The following RSPO2 variants were observed in gnomAD, a reference collection of about 807,000 sequenced individuals.
RSPO2 encodes the protein R-spondin 2.
RSPO2 carries 14 observed loss-of-function variants against 30.9 expected under a neutral mutation model. The ratio of observed to expected loss-of-function variants is 0.45; its 90% CI spans 0.30 to 0.71. RSPO2 has a LOEUF of 0.71. Among genes scored for constraint, RSPO2 ranks in the 30% least tolerant of loss-of-function variants. RSPO2 has a pLI of 0.08. For missense variants in RSPO2, 264 were observed against 301.9 expected (o/e 0.87, Z 0.93); for synonymous variants, 107 against 96.4 (o/e 1.11, Z -0.64).
intron 2 of RSPO2, among the ~76,000 whole-genome samples, chr8:108,062,865 A>G (rs1014537224): frequency 6.6e-6 from 1 of 151,940 alleles, no homozygotes; most frequent in African/African-American, 2.4e-5. Flanking sequence ...TGGAATGCAA[A>G]GCTGGTTCAA....
At chr8:107,921,317 T>C (rs62535478) in intron 5 of RSPO2, among the ~76,000 whole-genome samples, 1 of 149,364 alleles carries the variant, frequency 6.7e-6, no homozygotes, top group Admixed American at 6.7e-5. Context: ...CACTCCCCTT[T>C]AGAAAAAAAG....
At chr8:108,072,291 AG>A (rs1340879301) in intron 2 of RSPO2, among the ~76,000 whole-genome samples, 1 of 145,594 alleles carries the variant, frequency 6.9e-6, no homozygotes, top group African/African-American at 2.5e-5. Flanking sequence ...ATAGCATGTG[AG>A]GTGAAAAACA....
At chr8:107,904,621 G>A (rs1232850740) in intron 5 of RSPO2, among the ~76,000 whole-genome samples, 1 of 152,068 alleles carries the variant, frequency 6.6e-6, no homozygotes, top group Non-Finnish European at 1.5e-5. Flanking sequence ...ATGTGGTTTA[G>A]AGAAAGGCTA....
chr8:108,003,676 G>GA (rs543435511), intron 2 of RSPO2, among the ~76,000 whole-genome samples: 20 of 151,658 alleles, frequency 1.3e-4, no homozygotes, highest in Non-Finnish European at 2.5e-4. Context: ...GGGTTAAAAA[G>GA]AAAAAAAATT....
intron 2 of RSPO2, among the ~76,000 whole-genome samples, chr8:108,003,312 T>TATATC (rs1554580931): frequency 9.3e-5 from 1 of 10,764 alleles, no homozygotes; most frequent in South Asian, 4.2e-3. Flanking sequence ...TATATATATA[T>TATATC]TTTTTTTTTT....
intron 5 of RSPO2, among the ~76,000 whole-genome samples, chr8:107,916,579 A>G (rs1026776048): frequency 7.2e-5 from 11 of 152,218 alleles, no homozygotes; most frequent in African/African-American, 2.4e-4. Flanking sequence ...AGGCATGGGA[A>G]TATGGCTTTT....
chr8:108,077,639 T>G (rs538673806), intron 2 of RSPO2, among the ~76,000 whole-genome samples: 43 of 152,276 alleles, frequency 2.8e-4, no homozygotes, highest in Admixed American at 5.2e-4. Flanking sequence ...CACACACCCA[T>G]GTATACACGT....
chr8:107,985,822 T>G (rs1814607198), intron 3 of RSPO2, among the ~76,000 whole-genome samples: 1 of 152,204 alleles, frequency 6.6e-6, no homozygotes, highest in Non-Finnish European at 1.5e-5. Flanking sequence ...ATCACAGAAT[T>G]ACTCAGATAG....
intron 2 of RSPO2, among the ~76,000 whole-genome samples, chr8:108,038,885 G>T (rs890468184): frequency 6.6e-6 from 1 of 152,042 alleles, no homozygotes; most frequent in Non-Finnish European, 1.5e-5. Context: ...CCAAAAATTT[G>T]TGTGACTCAC....
intron 2 of RSPO2, among the ~76,000 whole-genome samples, chr8:108,059,505 T>C (rs1812377140): frequency 1.3e-5 from 2 of 151,540 alleles, no homozygotes; most frequent in African/African-American, 4.9e-5. Context: ...TTACTGGGTA[T>C]ATACGCAAAG....
chr8:108,059,850 T>A (rs1204046650), intron 2 of RSPO2, among the ~76,000 whole-genome samples: 1 of 91,166 alleles, frequency 1.1e-5, no homozygotes, highest in Admixed American at 1.6e-4. Context: ...TGGGGACTGT[T>A]GTGGGGTGGG....
chr8:107,949,393 C>T (rs935331930), intron 5 of RSPO2, among the ~76,000 whole-genome samples: 6 of 152,056 alleles, frequency 3.9e-5, no homozygotes, highest in Non-Finnish European at 8.8e-5. Flanking sequence ...TTTCTTTATC[C>T]ACTCTTTGAT....
At chr8:107,957,726 C>T (rs982254976) in intron 5 of RSPO2, among the ~76,000 whole-genome samples, 2 of 152,244 alleles carry the variant, frequency 1.3e-5, no homozygotes, top group African/African-American at 2.4e-5. Flanking sequence ...GAAAGTTGGC[C>T]GCTTCCCTCA....
At chr8:107,972,156 T>C (rs1814021684) in intron 3 of RSPO2, among the ~76,000 whole-genome samples, 1 of 152,038 alleles carries the variant, frequency 6.6e-6, no homozygotes, top group South Asian at 2.1e-4. Flanking sequence ...ACAGTCTTTT[T>C]TTTTTTTGAG....
At chr8:108,061,842 A>G (rs1812476872) in intron 2 of RSPO2, among the ~76,000 whole-genome samples, 1 of 151,932 alleles carries the variant, frequency 6.6e-6, no homozygotes, top group African/African-American at 2.4e-5. Flanking sequence ...TGTCTCTCAG[A>G]CCACAGTGCA....
rs1052553804 is a variant in RSPO2, at chr8:108,012,577, A to G, written c.95-23333T>C. Among the ~76,000 whole-genome samples the G allele has an allele frequency of 2.0e-5, 3 of 152,352 alleles. No individual in the cohort carries two copies. In the East Asian group the frequency reaches 5.8e-4, roughly 29 times the overall value. ...TATCTTTCTATTAGAAAAGTCAAGA[A>G]TCATAACTGAAGTAGAAACTTCTTT... On this transcript the variant is annotated intron_variant, in intron 2 of 5. Coordinates refer to ENST00000276659, the MANE Select transcript of RSPO2 (RefSeq NM_178565.5).
At chr8:107,926,343 C>T (rs868329221) in intron 5 of RSPO2, among the ~76,000 whole-genome samples, 13 of 151,982 alleles carry the variant, frequency 8.6e-5, no homozygotes, top group African/African-American at 3.1e-4. Context: ...TTCTCCTATT[C>T]TGTAGGTTGC....
intron 2 of RSPO2, among the ~76,000 whole-genome samples, chr8:108,021,482 A>C (rs1234597856): frequency 6.6e-6 from 1 of 152,154 alleles, no homozygotes; most frequent in Non-Finnish European, 1.5e-5. Flanking sequence ...CATCAATGTA[A>C]ACTGAATGCC....
chr8:108,034,190 T>C (rs1025561830), intron 2 of RSPO2, among the ~76,000 whole-genome samples: 3 of 150,388 alleles, frequency 2.0e-5, no homozygotes, highest in Non-Finnish European at 4.5e-5. Context: ...CATGAGGTTC[T>C]GGGGGTTTTT....
Sources: allele counts gnomAD v4.1 joint callset (sites outside exome capture counted in the v4.1 genomes callset), GRCh38; gene constraint gnomAD v4.1.1; transcripts MANE v1.5; gene names NCBI Gene and HGNC (gene_info 2026-07-23, HGNC 2026-07-21).